Variants in TUBGCP2 observed in about 807,000 individuals in gnomAD.
TUBGCP2 encodes gamma-tubulin complex component 2.
In TUBGCP2, 55 loss-of-function variants were observed where a neutral mutation model predicts 92.2. The ratio of observed to expected loss-of-function variants is 0.60; its 90% CI spans 0.48 to 0.75. The LOEUF (loss-of-function observed/expected upper bound fraction) is 0.75. Among genes scored for constraint, TUBGCP2 ranks in the 30% least tolerant of loss-of-function variants. The pLI is 0.00. For synonymous variants in TUBGCP2, 533 were observed against 505.2 expected, an observed-to-expected ratio of 1.06 and a Z score of -0.74; for missense variants, 1,093 against 1,188.9, an observed-to-expected ratio of 0.92 and a Z score of 1.19.
In TUBGCP2 at chr10:133,288,930, T is replaced by TA; in HGVS notation, c.1450dup (p.Tyr484LeufsTer10). ...AAACGCCTTCTCGATCTGCTCCACATACGCCCGCTCTTTTAACGTGTAGAT... is the reference window on the plus strand; with the variant it reads ...AAACGCCTTCTCGATCTGCTCCACATAACGCCCGCTCTTTTAACGTGTAGAT... On this transcript the variant is annotated frameshift_variant, in exon 10 of 18. Transcript: ENST00000252936. LOFTEE classifies it high-confidence loss of function. 1 of 1,614,252 alleles carries TA rather than the reference T, an allele frequency of 6.2e-7. No homozygotes were observed. The highest frequency in any genetic ancestry group is 8.5e-7 in the Non-Finnish European group (1 of 1,180,044).
chr10:133,299,006 T>C (rs910161209), intron 4 of TUBGCP2, among the ~76,000 whole-genome samples: 1 of 152,202 alleles, frequency 6.6e-6, no homozygotes, highest in Admixed American at 6.5e-5. Context: ...CAAGAGCAAG[T>C]AGCAAATACA....
upstream of TUBGCP2, chr10:133,309,028 G>A (rs1847914104): frequency 2.4e-6 from 3 of 1,263,486 alleles, no homozygotes; most frequent in African/African-American, 4.6e-5. Flanking sequence ...GGATCCCGCG[G>A]CTGGGGCCGC....
intron 3 of TUBGCP2, 84 bp downstream of exon 3, chr10:133,299,901 A>G: frequency 6.5e-7 from 1 of 1,536,512 alleles, no homozygotes; most frequent in Non-Finnish European, 8.8e-7. Flanking sequence ...TGACAGGAAG[A>G]TGGCGTGGAG....
chr10:133,281,959 G>A (rs372889297), intron 16 of TUBGCP2, among the ~76,000 whole-genome samples: 3 of 152,256 alleles, frequency 2.0e-5, no homozygotes, highest in Admixed American at 1.3e-4. Context: ...CCCTGCCCTC[G>A]CCCAGGCGCC....
upstream of TUBGCP2, chr10:133,309,638 TAATTCATA>T: frequency 3.1e-6 from 4 of 1,271,056 alleles, no homozygotes; most frequent in Non-Finnish European, 4.4e-6. Context: ...TTGTGAAACT[TAATTCATA>T]AAAAGAGGGT....
At chr10:133,309,354 T>G (rs146684448), upstream of TUBGCP2, 1 of 1,597,326 alleles carries the variant, frequency 6.3e-7, no homozygotes, top group African/African-American at 1.3e-5. Flanking sequence ...GTGCCGCGAG[T>G]CACCTGGCCC....
chr10:133,299,483 G>C lies in TUBGCP2; in HGVS notation c.400C>G (p.Leu134Val). 6.2e-7 allele frequency: 1 copy of C among 1,612,632 alleles called. No homozygotes were observed. The highest frequency in any genetic ancestry group is 8.5e-7 in the Non-Finnish European group (1 of 1,179,896). Residue 134 changes from leucine (L) to valine (V), a missense_variant, in exon 4 of 18, where the codon CTT becomes GTT. Leu to Val is a conservative substitution (Grantham distance 32). This residue lies in a region of TUBGCP2 where 490 missense variants were observed against 488.5 expected (regional missense o/e 1.00). Transcript: ENST00000252936. ...AAASKISMQE[L>V]EELRKQLGSV... Reference sequence around the variant, plus strand: ...CCAAGCTGCTTCCTCAGTTCCTCAAGCTCCTGCATGGAGATCTTGGAGGCC... The same window carrying C: ...CCAAGCTGCTTCCTCAGTTCCTCAACCTCCTGCATGGAGATCTTGGAGGCC...
chr10:133,289,900 C>T lies in TUBGCP2; in HGVS notation c.1284G>A (p.Trp428Ter). Residue 428 changes from tryptophan to a stop codon, truncating the protein, a stop_gained, in exon 9 of 18, where the codon TGG becomes TGA. Coordinates refer to ENST00000252936, the MANE Select transcript of TUBGCP2 (RefSeq NM_006659.4). LOFTEE classifies it high-confidence loss of function. ...GCTGGACGATGGTGTACCGCTGGTC[C>T]CAGTACTTGTCGTTGTAATCCTCCT... is the stretch of plus-strand genomic sequence containing the variant. ...RIQEDYNDKYWDQRYTIVQQQ... is the reference protein window; with the variant it reads ...RIQEDYNDKY The T allele has an allele frequency of 1.2e-6, 2 of 1,601,558 alleles. No individual in the cohort carries two copies. Among genetic ancestry groups the T allele is most frequent in the Non-Finnish European group, 8.5e-7 (1 of 1,174,508 alleles).
chr10:133,281,318 T>C lies in TUBGCP2; in HGVS notation c.2528A>G (p.Tyr843Cys), dbSNP rs1846969612. The change falls in exon 17 of 18, where the codon TAT (tyrosine) becomes TGT (cysteine). Residue 843 changes from tyrosine (Y) to cysteine (C), a missense_variant. Tyr to Cys is a radical substitution (Grantham distance 194, BLOSUM62 -2). Around this residue, in one of 3 missense-constraint regions of TUBGCP2, gnomAD observed 598 missense variants for 675.5 expected, o/e 0.89. Coordinates refer to ENST00000252936, the MANE Select transcript of TUBGCP2 (RefSeq NM_006659.4). The stretch of plus-strand genomic sequence containing the variant: ...GCCGTGCTCACAGTCACTGGTGCTA[T>C]AGATGCTCAGCCGGGCCAGGAGGTC... ...LLDLLARLSI[Y>C]STSDCEHGMA... The C allele has an allele frequency of 6.2e-7, 1 of 1,613,206 alleles. No homozygotes were observed. The highest frequency in any genetic ancestry group is 8.5e-7 in the Non-Finnish European group (1 of 1,179,976).
intron 16 of TUBGCP2, chr10:133,281,655 G>GAGGT (rs1286205223): frequency 6.5e-6 from 4 of 613,914 alleles, no homozygotes; most frequent in South Asian, 4.3e-5. Flanking sequence ...CTCGTGGGAT[G>GAGGT]AGGTGGTCAC....
At chr10:133,303,753 C>T (rs1589837252) in intron 1 of TUBGCP2, among the ~76,000 whole-genome samples, 1 of 152,224 alleles carries the variant, frequency 6.6e-6, no homozygotes, top group African/African-American at 2.4e-5. Context: ...AGCGTGGCTA[C>T]CGACAGAGAC....
intron 2 of TUBGCP2, 65 bp from the exon 3 acceptor site, chr10:133,300,178 T>G: frequency 6.4e-7 from 1 of 1,565,870 alleles, no homozygotes; most frequent in East Asian, 2.3e-5. Flanking sequence ...AAAAAAACCT[T>G]TACGAAAATT....
At position 133,308,847 on chromosome 10, in the gene TUBGCP2, G is replaced by T; in HGVS notation, c.-64C>A. 1.8e-6 allele frequency: 2 copies of T among 1,084,464 alleles called. No individual in the cohort carries two copies. Among genetic ancestry groups the T allele is most frequent in the East Asian group, 3.7e-5 (1 of 26,888 alleles). The allele number at this position is 1,084,464 out of a possible 1,614,324, so 67.2% of individuals were successfully genotyped here. On this transcript the variant is annotated 5_prime_UTR_variant, in exon 1 of 18. Coordinates refer to ENST00000252936, the MANE Select transcript of TUBGCP2 (RefSeq NM_006659.4). ...CCGCAGTCCCGGAGCCACAGCCCCC[G>T]CGCAGCCCCCGACGGCGGCGGAAGT...
chr10:133,293,407 C>T (rs902588457), intron 6 of TUBGCP2, among the ~76,000 whole-genome samples, 155 bp downstream of exon 6: 2 of 152,260 alleles, frequency 1.3e-5, no homozygotes, highest in African/African-American at 4.8e-5. Context: ...TGGATGGTGA[C>T]TCACAGACCC....
intron 6 of TUBGCP2, 82 bp from the exon 7 acceptor site, chr10:133,293,320 A>G: frequency 6.6e-7 from 1 of 1,509,016 alleles, no homozygotes; most frequent in Non-Finnish European, 9.1e-7. Flanking sequence ...CTCATCCCAA[A>G]CAGGAAGCAA....
At chr10:133,303,713 G>C (rs930164187) in intron 1 of TUBGCP2, among the ~76,000 whole-genome samples, 14 of 152,198 alleles carry the variant, frequency 9.2e-5, no homozygotes, top group Admixed American at 9.2e-4. Context: ...TTTTCACTCT[G>C]GTACCCGTGA....
upstream of TUBGCP2, chr10:133,309,741 G>A (rs751421692): frequency 8.1e-6 from 13 of 1,609,456 alleles, no homozygotes; most frequent in African/African-American, 2.7e-5. Flanking sequence ...TCCTCGCACC[G>A]GAGGAAGGGC....
chr10:133,310,588 T>C (rs1441576300), upstream of TUBGCP2: 3 of 410,436 alleles, frequency 7.3e-6, no homozygotes, highest in Non-Finnish European at 9.1e-6. Flanking sequence ...CTCTGGGCCA[T>C]GCCTGTACCT....
Position 133,289,867 on chromosome 10 carries a change from G to C in TUBGCP2, c.1317C>G (p.Ile439Met). The C allele has an allele frequency of 6.7e-7, 1 of 1,484,530 alleles. No homozygotes were observed. Among genetic ancestry groups the C allele is most frequent in the Non-Finnish European group, 9.0e-7 (1 of 1,116,384 alleles). 92.0% of individuals were successfully genotyped at this position (1,484,530 alleles called of 1,614,324 possible). ...CCGCCATTTTCTGCAGGAAGGACGG[G>C]ATCTGCTGCTGGACGATGGTGTACC... ...DQRYTIVQQQ[I>M]PSFLQKMADK... The change falls in exon 9 of 18, where the codon ATC (isoleucine) becomes ATG (methionine). Residue 439 changes from isoleucine (I) to methionine (M), a missense_variant. This residue lies in a region of TUBGCP2 where 598 missense variants were observed against 675.5 expected (regional missense o/e 0.89). Transcript: ENST00000252936.
Sources: gnomAD v4.1 joint callset for allele counts (sites outside exome capture counted in the v4.1 genomes callset) on GRCh38, gnomAD v4.1.1 for gene constraint, gnomAD v4.1.1 regional missense constraint, MANE v1.5 for transcripts, NCBI Gene and HGNC (gene_info 2026-07-23, HGNC 2026-07-21) for gene names.